Variants in NANS observed in about 807,000 individuals in gnomAD.
NANS encodes the protein N-acetylneuraminate synthase.
A neutral mutation model predicts 33.3 loss-of-function variants in NANS; 29 were observed. The ratio of observed to expected loss-of-function variants is 0.87; its 90% CI spans 0.65 to 1.19. The LOEUF (loss-of-function observed/expected upper bound fraction) is 1.19, where lower values mean the gene tolerates loss of function less well. Ranked by LOEUF, NANS falls within the 50% of genes most tolerant of loss-of-function variation. NANS has a pLI of 0.00. For synonymous variants in NANS, 163 were observed against 177.2 expected, an observed-to-expected ratio of 0.92 and a Z score of 0.64; for missense variants, 394 against 461.1, an observed-to-expected ratio of 0.85 and a Z score of 1.33.
At chr9:98,080,617 T>C (rs563898083) in intron 4 of NANS, among the ~76,000 whole-genome samples, 199 bp from the exon 5 acceptor site, 1 of 152,344 alleles carries the variant, frequency 6.6e-6, no homozygotes, top group Non-Finnish European at 1.5e-5. Flanking sequence ...TGCTGAGTGC[T>C]TCTCATGCAT....
chr9:98,062,317 AATGGCTCACAGG>A (rs1341822558), intron 2 of NANS, among the ~76,000 whole-genome samples: 2 of 151,986 alleles, frequency 1.3e-5, no homozygotes, highest in Admixed American at 6.6e-5. Flanking sequence ...TCCAGAAGGG[AATGGCTCACAGG>A]ATGGTCACCG....
intron 1 of NANS, among the ~76,000 whole-genome samples, chr9:98,059,733 T>G (rs1828923371): frequency 1.3e-5 from 2 of 151,902 alleles, no homozygotes; most frequent in Admixed American, 6.6e-5. Context: ...GTTTTTTGTT[T>G]TTTTTTTTTT....
At chr9:98,067,834 AC>A (rs145488817) in intron 2 of NANS, among the ~76,000 whole-genome samples, 44,684 of 151,480 alleles carry the variant, frequency 0.29, 8,286 homozygotes, top group African/African-American at 0.52. Context: ...CAATCCTCCC[AC>A]CTCAGCCTCC....
rs1828832538 is a variant in NANS, at chr9:98,056,761, C to G, written c.-48C>G. On this transcript the variant is annotated 5_prime_UTR_variant, in exon 1 of 6. Coordinates refer to ENST00000210444, the MANE Select transcript of NANS (RefSeq NM_018946.4). ...AACAGAGTAGAGGCGGCGGCGGCGGCGGCCGGACCCAGACTGGTAGTGAGG... is the reference window on the plus strand; with the variant it reads ...AACAGAGTAGAGGCGGCGGCGGCGGGGGCCGGACCCAGACTGGTAGTGAGG... 1 of 1,587,642 alleles carries G rather than the reference C, an allele frequency of 6.3e-7. No homozygotes were observed. The highest frequency in any genetic ancestry group is 8.5e-7 in the Non-Finnish European group (1 of 1,170,620).
intron 4 of NANS, 79 bp downstream of exon 4, chr9:98,078,426 A>C: frequency 6.7e-7 from 1 of 1,486,830 alleles, no homozygotes; most frequent in Non-Finnish European, 9.1e-7. Context: ...CCAAAATTCT[A>C]ACAAACATGG....
intron 2 of NANS, among the ~76,000 whole-genome samples, chr9:98,066,475 CATCCA>C (rs1326051016): frequency 3.9e-5 from 6 of 152,036 alleles, no homozygotes; most frequent in African/African-American, 7.2e-5. Context: ...ATTGACACAC[CATCCA>C]ATTCACCCAA....
chr9:98,069,208 A>G (rs1829238638), intron 2 of NANS: 1 of 152,258 alleles, frequency 6.6e-6, no homozygotes, highest in African/African-American at 2.4e-5. Context: ...TAGTGGGTGA[A>G]TGGTGAAACA....
At chr9:98,059,884 A>G (rs1247467192) in intron 1 of NANS, among the ~76,000 whole-genome samples, 3 of 152,212 alleles carry the variant, frequency 2.0e-5, no homozygotes, top group Admixed American at 6.5e-5. Context: ...GCGCCAGTGC[A>G]AAGCAGCTAA....
At chr9:98,079,471 A>C (rs371668119) in intron 4 of NANS, among the ~76,000 whole-genome samples, 1 of 86,028 alleles carries the variant, frequency 1.2e-5, no homozygotes, top group African/African-American at 1.4e-4. Context: ...ACAGCCATTA[A>C]CTTAAAAAGT....
At position 98,060,977 on chromosome 9, in the gene NANS, A is replaced by G; in HGVS notation, c.328A>G (p.Thr110Ala). ...RYAEEVGIFFTASGMDEMAVE... is the reference protein window; with the variant it reads ...RYAEEVGIFFAASGMDEMAVE... The stretch of plus-strand genomic sequence containing the variant: ...CGCCGAGGAGGTTGGGATCTTCTTC[A>G]CTGCCTCTGGCATGGATGAGGTGAG... The change falls in exon 2 of 6, where the codon ACT (threonine) becomes GCT (alanine). Residue 110 changes from threonine (T) to alanine (A), a missense_variant. Physicochemically the swap from Thr to Ala is moderately conservative, Grantham distance 58. Coordinates refer to ENST00000210444, the MANE Select transcript of NANS (RefSeq NM_018946.4). 1 of 1,613,854 alleles carries G rather than the reference A, an allele frequency of 6.2e-7. No individual in the cohort carries two copies. Among genetic ancestry groups the G allele is most frequent in the South Asian group, 1.1e-5 (1 of 91,052 alleles).
chr9:98,064,104 T>C (rs1053745382), intron 2 of NANS, among the ~76,000 whole-genome samples: 1 of 152,138 alleles, frequency 6.6e-6, no homozygotes, highest in African/African-American at 2.4e-5. Context: ...TAATGGGTGG[T>C]TTAAAAAAGG....
intron 2 of NANS, chr9:98,075,647 G>A (rs1829558299): frequency 6.6e-6 from 1 of 152,116 alleles, no homozygotes; most frequent in Non-Finnish European, 1.5e-5. Flanking sequence ...ACTTATTTCT[G>A]AGTCACCATT....
At position 98,082,940 on chromosome 9, in the gene NANS, ATCC is replaced by A. The variant is rs1476385659; in HGVS notation, c.970_972del (p.Pro324del). 2 of 1,614,226 alleles carry A rather than the reference ATCC, an allele frequency of 1.2e-6. No individual in the cohort carries two copies. The highest frequency in any genetic ancestry group is 8.5e-7 in the Non-Finnish European group (1 of 1,180,034). ...GTGAAGGTGGGTGAGCCCAAAGGCTATCCTCCTGAAGACATCTTTAATCTAGTG... is the reference window on the plus strand; with the variant it reads ...GTGAAGGTGGGTGAGCCCAAAGGCTATCCTGAAGACATCTTTAATCTAGTG... On this transcript the variant is annotated inframe_deletion, in exon 6 of 6. Coordinates refer to ENST00000210444, the MANE Select transcript of NANS (RefSeq NM_018946.4).
chr9:98,073,410 G>T (rs984251552), intron 2 of NANS, among the ~76,000 whole-genome samples: 3 of 147,646 alleles, frequency 2.0e-5, no homozygotes, highest in Admixed American at 6.9e-5. Flanking sequence ...TTAGCCTCCC[G>T]AGTAGCTGGG....
intron 2 of NANS, among the ~76,000 whole-genome samples, chr9:98,067,413 T>C (rs564739074): frequency 5.3e-5 from 8 of 152,216 alleles, no homozygotes; most frequent in African/African-American, 1.9e-4. Context: ...TCATTTGTGA[T>C]TACCTCCTGA....
intron 5 of NANS, among the ~76,000 whole-genome samples, chr9:98,082,423 A>G (rs368385420): frequency 6.6e-5 from 10 of 152,318 alleles, no homozygotes; most frequent in South Asian, 2.1e-4. Context: ...TGAGATACTG[A>G]GCTGAATGGT....
intron 2 of NANS, chr9:98,069,443 T>G (rs1240971760): frequency 6.6e-6 from 1 of 152,266 alleles, no homozygotes; most frequent in East Asian, 1.9e-4. Context: ...CCGGCTAATT[T>G]TTGTATTTTT....
At chr9:98,082,617 T>C (rs1356677809) in intron 5 of NANS, among the ~76,000 whole-genome samples, 1 of 152,198 alleles carries the variant, frequency 6.6e-6, no homozygotes, top group Non-Finnish European at 1.5e-5. Context: ...CCTCAGCCCT[T>C]TCCTTTGCAC....
rs573083122 is a variant in NANS, at chr9:98,082,898, C to T, written c.923C>T (p.Thr308Ile). The T allele has an allele frequency of 1.9e-6, 3 of 1,614,176 alleles. No homozygotes were observed. The highest frequency in any genetic ancestry group is 2.7e-5 in the African/African-American group (2 of 75,046). Residue 308 changes from threonine (T) to isoleucine (I), a missense_variant, in exon 6 of 6, where the codon ACA (threonine) becomes ATA (isoleucine). Thr to Ile is a moderately conservative substitution (Grantham distance 89). Coordinates refer to ENST00000210444, the MANE Select transcript of NANS (RefSeq NM_018946.4). ...AAAATTCCGGAAGGCACCATTCTAA[C>T]AATGGACATGCTCACCGTGAAGGTG... ...KVKIPEGTIL[T>I]MDMLTVKVGE... is the part of the protein sequence containing the mutation.
Sources: gnomAD v4.1 joint callset for allele counts (sites outside exome capture counted in the v4.1 genomes callset) on GRCh38, gnomAD v4.1.1 for gene constraint, MANE v1.5 for transcripts, NCBI Gene and HGNC (gene_info 2026-07-23, HGNC 2026-07-21) for gene names.